DNAH12: variants seen among roughly 807,000 people sequenced by gnomAD.
DNAH12 encodes the protein dynein axonemal heavy chain 12, also known as axonemal beta dynein heavy chain 12.
A neutral mutation model predicts 371.5 loss-of-function variants in DNAH12; 285 were observed. That is an observed-to-expected ratio of 0.77 (90% CI 0.70 to 0.85). The LOEUF is 0.85. Ranked by LOEUF, DNAH12 falls within the 40% of genes least tolerant of loss-of-function variation. DNAH12 has a pLI of 0.00. For synonymous variants in DNAH12, 1,200 were observed against 1,213.0 expected (o/e 0.99, Z 0.22); for missense variants, 3,611 against 3,689.4 (o/e 0.98, Z 0.55).
intron 13 of DNAH12, among the ~76,000 whole-genome samples, chr3:57,474,128 C>T (rs2066450615): frequency 6.6e-6 from 1 of 152,042 alleles, no homozygotes; most frequent in Non-Finnish European, 1.5e-5. Context: ...CCAGACAGTC[C>T]ATTGTTGCAA....
chr3:57,431,797 T>C (rs142873700), intron 32 of DNAH12, among the ~76,000 whole-genome samples: 1 of 152,152 alleles, frequency 6.6e-6, no homozygotes, highest in Non-Finnish European at 1.5e-5. Context: ...TGCTTCTATG[T>C]TTTCCTAGGT....
intron 13 of DNAH12, among the ~76,000 whole-genome samples, chr3:57,473,840 T>A (rs186742216): frequency 2.1e-3 from 325 of 152,156 alleles, no homozygotes; most frequent in Non-Finnish European, 2.8e-3. Context: ...GTGTAATTCG[T>A]TATATTAATA....
At chr3:57,479,686 G>A (rs1434575231) in intron 13 of DNAH12, among the ~76,000 whole-genome samples, 1 of 152,086 alleles carries the variant, frequency 6.6e-6, no homozygotes, top group East Asian at 1.9e-4. Context: ...GCACTCCTCA[G>A]CAAATGTAAA....
intron 29 of DNAH12, among the ~76,000 whole-genome samples, chr3:57,440,684 T>C (rs2065273715): frequency 6.6e-6 from 1 of 152,144 alleles, no homozygotes; most frequent in East Asian, 1.9e-4. Context: ...AAAGTTGAAA[T>C]TCCTTTAAAA....
At chr3:57,367,499 A>T (rs1486411702) in intron 56 of DNAH12, among the ~76,000 whole-genome samples, 1 of 152,230 alleles carries the variant, frequency 6.6e-6, no homozygotes, top group East Asian at 1.9e-4. Context: ...ATCAATTTTC[A>T]ATCATGATTC....
intron 30 of DNAH12, 27 bp downstream of exon 30, chr3:57,436,924 T>C: frequency 5.3e-6 from 7 of 1,312,076 alleles, no homozygotes; most frequent in Non-Finnish European, 7.1e-6. Flanking sequence ...AGAAATAACA[T>C]CTAACTATAG....
At chr3:57,335,199 A>T (rs951341234) in intron 60 of DNAH12, among the ~76,000 whole-genome samples, 1 of 152,224 alleles carries the variant, frequency 6.6e-6, no homozygotes, top group African/African-American at 2.4e-5. Flanking sequence ...GGCACTTTCT[A>T]GACTACAGAG....
intron 50 of DNAH12, among the ~76,000 whole-genome samples, chr3:57,380,608 G>A (rs1315630198): frequency 6.6e-6 from 1 of 152,126 alleles, no homozygotes; most frequent in Non-Finnish European, 1.5e-5. Flanking sequence ...GAGACTACAG[G>A]CTTCTGTCAC....
At chr3:57,476,982 C>T (rs990731630) in intron 13 of DNAH12, among the ~76,000 whole-genome samples, 2 of 152,196 alleles carry the variant, frequency 1.3e-5, no homozygotes, top group Non-Finnish European at 2.9e-5. Flanking sequence ...CTCCAGTCTA[C>T]AGCTCCCAGT....
intron 11 of DNAH12, among the ~76,000 whole-genome samples, chr3:57,497,099 G>A (rs140375102): frequency 7.2e-5 from 11 of 152,230 alleles, no homozygotes; most frequent in East Asian, 1.9e-4. Context: ...AATTAAAGAA[G>A]GTTCAAATAA....
intron 29 of DNAH12, among the ~76,000 whole-genome samples, chr3:57,438,480 G>A (rs2065201263): frequency 6.6e-6 from 1 of 152,176 alleles, no homozygotes; most frequent in African/African-American, 2.4e-5. Flanking sequence ...AATAGAAAAA[G>A]AAGAAGTCAA....
intron 11 of DNAH12, among the ~76,000 whole-genome samples, chr3:57,495,790 T>A (rs938205062): frequency 6.9e-6 from 1 of 144,248 alleles, no homozygotes; most frequent in South Asian, 2.1e-4. Flanking sequence ...TATATATTTA[T>A]ATATTTTTAA....
chr3:57,430,188 G>A (rs895439900), intron 32 of DNAH12, among the ~76,000 whole-genome samples: 1 of 151,988 alleles, frequency 6.6e-6, no homozygotes, highest in Admixed American at 6.6e-5. Flanking sequence ...CTTATACCCA[G>A]CTCATAGATT....
chr3:57,312,858 G>T (rs1039262331), intron 66 of DNAH12, among the ~76,000 whole-genome samples: 2 of 152,116 alleles, frequency 1.3e-5, no homozygotes, highest in African/African-American at 4.8e-5. Flanking sequence ...TAAGGTTTCT[G>T]CCCTGATATT....
At chr3:57,324,920 C>A (rs1181651853) in intron 62 of DNAH12, among the ~76,000 whole-genome samples, 1 of 152,236 alleles carries the variant, frequency 6.6e-6, no homozygotes, top group African/African-American at 2.4e-5. Flanking sequence ...GAGATTATAT[C>A]CCCCACATGG....
At chr3:57,384,774 C>T (rs1472972240) in intron 49 of DNAH12, 55 bp downstream of exon 49, 1 of 152,230 alleles carries the variant, frequency 6.6e-6, no homozygotes, top group East Asian at 1.9e-4. Context: ...GCCAAATACC[C>T]ATATTCAGCT....
At chr3:57,402,980 T>C (rs1419539274) in intron 43 of DNAH12, among the ~76,000 whole-genome samples, 10 of 152,096 alleles carry the variant, frequency 6.6e-5, no homozygotes, top group Non-Finnish European at 7.4e-5. Flanking sequence ...GCAGCAGCCA[T>C]GGTAATAGTG....
upstream of DNAH12, among the ~76,000 whole-genome samples, chr3:57,548,209 A>G (rs2069593894): frequency 6.6e-6 from 1 of 152,200 alleles, no homozygotes. Flanking sequence ...TTTAAAACAC[A>G]TATTAATAAC....
At chr3:57,529,389 C>A (rs1816948) in intron 2 of DNAH12, among the ~76,000 whole-genome samples, 1 of 151,870 alleles carries the variant, frequency 6.6e-6, no homozygotes, top group Non-Finnish European at 1.5e-5. Context: ...TGCTGGAAGA[C>A]GTTTTATTAT....
Sources: gnomAD v4.1 joint callset for allele counts (sites outside exome capture counted in the v4.1 genomes callset) on GRCh38, gnomAD v4.1.1 for gene constraint, MANE v1.5 for transcripts, NCBI Gene and HGNC (gene_info 2026-07-23, HGNC 2026-07-21) for gene names.